Variants in DLG2 observed in about 807,000 individuals in gnomAD.
DLG2 encodes the protein disks large homolog 2.
In DLG2, 45 loss-of-function variants were observed where a neutral mutation model predicts 132.5. The observed-to-expected ratio is 0.34, with a 90% confidence interval of 0.27 to 0.44. The LOEUF is 0.44. Among genes scored for constraint, DLG2 ranks in the 20% least tolerant of loss-of-function variants. DLG2 has a pLI of 1.00. For synonymous variants in DLG2, 424 were observed against 419.6 expected (o/e 1.01, Z -0.13); for missense variants, 1,045 against 1,196.9 (o/e 0.87, Z 1.87).
intron 6 of DLG2, among the ~76,000 whole-genome samples, chr11:84,851,511 T>C (rs2082163032): frequency 6.6e-6 from 1 of 152,084 alleles, no homozygotes; most frequent in African/African-American, 2.4e-5. Flanking sequence ...TATGTTTCTA[T>C]TCCATTTCTG....
At chr11:83,533,898 G>A (rs539868134) in intron 20 of DLG2, among the ~76,000 whole-genome samples, 2 of 152,234 alleles carry the variant, frequency 1.3e-5, no homozygotes, top group East Asian at 3.9e-4. Context: ...CCTGGTCGAG[G>A]TGGAAGATAG....
intron 7 of DLG2, among the ~76,000 whole-genome samples, chr11:84,355,516 C>G (rs1225635928): frequency 6.6e-6 from 1 of 152,050 alleles, no homozygotes; most frequent in Non-Finnish European, 1.5e-5. Context: ...TCACCTGACG[C>G]CAAATCAGCT....
intron 6 of DLG2, among the ~76,000 whole-genome samples, chr11:84,815,691 A>G (rs962681115): frequency 1.3e-5 from 2 of 152,082 alleles, no homozygotes; most frequent in South Asian, 2.1e-4. Flanking sequence ...AAGAAGGTCA[A>G]TTTGCCGAAA....
chr11:84,685,330 A>T (rs1328958855), intron 6 of DLG2, among the ~76,000 whole-genome samples: 2 of 152,238 alleles, frequency 1.3e-5, no homozygotes, highest in African/African-American at 4.8e-5. Flanking sequence ...TTGATGAGTG[A>T]ATAAGTGTTC....
intron 18 of DLG2, among the ~76,000 whole-genome samples, chr11:83,756,859 T>G (rs947432071): frequency 1.3e-5 from 2 of 152,214 alleles, no homozygotes; most frequent in Non-Finnish European, 2.9e-5. Context: ...AAACCCATTA[T>G]AGTTAGCCTT....
At chr11:84,524,776 A>C (rs998021048) in intron 7 of DLG2, among the ~76,000 whole-genome samples, 6 of 152,168 alleles carry the variant, frequency 3.9e-5, no homozygotes, top group African/African-American at 1.4e-4. Flanking sequence ...AGAAAGGAAA[A>C]ATAAACACAT....
In DLG2 at chr11:84,021,952, G is replaced by C. The variant is rs970324191; in HGVS notation, c.919+37363C>G. Among the ~76,000 whole-genome samples the C allele has an allele frequency of 2.0e-5, 3 of 151,984 alleles. No individual in the cohort carries two copies. The South Asian group carries it at 6.2e-4, about 32-fold the overall frequency. On this transcript the variant is annotated intron_variant, in intron 11 of 27. Coordinates refer to ENST00000376104, the MANE Select transcript of DLG2 (RefSeq NM_001142699.3). The stretch of plus-strand genomic sequence containing the variant: ...AGTAGAGACGGGGTTTCTCCATGTT[G>C]GTCAGGCTGGTCTTAAACTCCCAAC...
chr11:84,924,878 C>T (rs79808959), intron 6 of DLG2, among the ~76,000 whole-genome samples: 32 of 152,262 alleles, frequency 2.1e-4, no homozygotes, highest in African/African-American at 7.7e-4. Flanking sequence ...GGATGCCCAG[C>T]TCTCATCATT....
chr11:85,386,717 CT>C (rs2086359490), intron 3 of DLG2, among the ~76,000 whole-genome samples: 1 of 150,842 alleles, frequency 6.6e-6, no homozygotes, highest in African/African-American at 2.4e-5. Flanking sequence ...AGGAGCTTAT[CT>C]TTTTATTTCT....
intron 3 of DLG2, chr11:85,336,157 C>T (rs2082114711): frequency 6.5e-6 from 1 of 152,724 alleles, no homozygotes; most frequent in South Asian, 2.1e-4. Context: ...TTGCTTCTGA[C>T]TCATTCTGAT....
At chr11:85,163,008 G>A (rs545685868) in intron 4 of DLG2, among the ~76,000 whole-genome samples, 1 of 152,090 alleles carries the variant, frequency 6.6e-6, no homozygotes, top group Non-Finnish European at 1.5e-5. Flanking sequence ...TATAAAGCAG[G>A]CAAAACAACG....
intron 19 of DLG2, among the ~76,000 whole-genome samples, chr11:83,611,749 G>A (rs573093479): frequency 2.6e-5 from 4 of 152,108 alleles, no homozygotes; most frequent in East Asian, 3.8e-4. Context: ...TTCTTTGTCC[G>A]CTGAAGCAGT....
chr11:85,536,442 C>G (rs1278269800), intron 3 of DLG2, among the ~76,000 whole-genome samples: 2 of 152,136 alleles, frequency 1.3e-5, no homozygotes, highest in Non-Finnish European at 2.9e-5. Context: ...GAACTAGAAC[C>G]CTATTGAGAG....
intron 18 of DLG2, among the ~76,000 whole-genome samples, chr11:83,683,592 ACG>A (rs1362766121): frequency 1.3e-5 from 2 of 152,170 alleles, no homozygotes; most frequent in African/African-American, 2.4e-5. Context: ...ATTTACTAAA[ACG>A]CAGATTGTTT....
chr11:85,097,132 T>G (rs1468664212), intron 6 of DLG2, among the ~76,000 whole-genome samples: 1 of 152,136 alleles, frequency 6.6e-6, no homozygotes, highest in Non-Finnish European at 1.5e-5. Context: ...TCCTCTTGCC[T>G]CTCTTCTCTC....
intron 20 of DLG2, among the ~76,000 whole-genome samples, chr11:83,541,331 A>C (rs1217678841): frequency 6.6e-6 from 1 of 152,148 alleles, no homozygotes; most frequent in Non-Finnish European, 1.5e-5. Flanking sequence ...TTCATTGGTA[A>C]ATGTTGAAAC....
chr11:84,683,884 C>G (rs2099735753), intron 6 of DLG2, among the ~76,000 whole-genome samples: 1 of 152,056 alleles, frequency 6.6e-6, no homozygotes, highest in South Asian at 2.1e-4. Context: ...GCAAAACATC[C>G]CAGTTATAAA....
At chr11:84,087,960 G>C (rs2097018814) in intron 10 of DLG2, among the ~76,000 whole-genome samples, 1 of 152,156 alleles carries the variant, frequency 6.6e-6, no homozygotes, top group Admixed American at 6.5e-5. Flanking sequence ...CGAAATGATT[G>C]ATCATTTTTA....
intron 19 of DLG2, among the ~76,000 whole-genome samples, chr11:83,559,457 G>A (rs1486633857): frequency 6.6e-6 from 1 of 152,074 alleles, no homozygotes; most frequent in Non-Finnish European, 1.5e-5. Flanking sequence ...TTTGGATATG[G>A]TGTTAGTGGA....
Sources: allele counts gnomAD v4.1 joint callset (sites outside exome capture counted in the v4.1 genomes callset), GRCh38; gene constraint gnomAD v4.1.1; transcripts MANE v1.5; gene names NCBI Gene and HGNC (gene_info 2026-07-23, HGNC 2026-07-21).